MSH3: variants seen among roughly 807,000 people sequenced by gnomAD.
The protein encoded by MSH3 is DNA mismatch repair protein Msh3.
MSH3 carries 106 observed loss-of-function variants against 123.3 expected under a neutral mutation model. That is an observed-to-expected ratio of 0.86 (90% CI 0.73 to 1.01). The LOEUF (loss-of-function observed/expected upper bound fraction) is 1.01, where lower values mean the gene tolerates loss of function less well. Among genes scored for constraint, MSH3 ranks in the 50% least tolerant of loss-of-function variants. The pLI is 0.00. For synonymous variants in MSH3, 515 were observed against 481.4 expected (o/e 1.07, Z -0.91); for missense variants, 1,459 against 1,347.6 (o/e 1.08, Z -1.29).
intron 8 of MSH3, among the ~76,000 whole-genome samples, chr5:80,721,921 G>C (rs893614448): frequency 2.6e-5 from 4 of 152,008 alleles, no homozygotes; most frequent in Non-Finnish European, 4.4e-5. Context: ...TGTGTTTTCT[G>C]TATCTTTTAC....
chr5:80,784,686 C>G (rs369238420), intron 17 of MSH3, among the ~76,000 whole-genome samples: 11 of 152,166 alleles, frequency 7.2e-5, no homozygotes, highest in African/African-American at 2.7e-4. Context: ...TAGCCATCCC[C>G]ACTTCCCTCC....
intron 13 of MSH3, among the ~76,000 whole-genome samples, chr5:80,762,171 G>A (rs941222154): frequency 6.6e-6 from 1 of 152,024 alleles, no homozygotes; most frequent in South Asian, 2.1e-4. Context: ...AAGCTTTACA[G>A]TTTGAGTCAT....
intron 8 of MSH3, among the ~76,000 whole-genome samples, chr5:80,693,407 A>G (rs1188729241): frequency 1.6e-5 from 1 of 61,180 alleles, no homozygotes; most frequent in Non-Finnish European, 3.1e-5. Flanking sequence ...ATGCACATGT[A>G]TATGTTTATA....
intron 8 of MSH3, among the ~76,000 whole-genome samples, chr5:80,724,828 A>G (rs1021472967): frequency 6.6e-6 from 1 of 152,238 alleles, no homozygotes; most frequent in Non-Finnish European, 1.5e-5. Context: ...ATTTAGTAAC[A>G]TAATGGACCC....
intron 8 of MSH3, among the ~76,000 whole-genome samples, chr5:80,693,600 C>CATGTAT (rs1750393234): frequency 2.3e-5 from 1 of 44,152 alleles, no homozygotes; most frequent in African/African-American, 9.0e-5. Context: ...TATATATAAA[C>CATGTAT]ATACATATAT....
intron 2 of MSH3, among the ~76,000 whole-genome samples, chr5:80,657,508 TC>T (rs1476663684): frequency 2.0e-5 from 3 of 152,134 alleles, no homozygotes. Flanking sequence ...GTGCCTGAGT[TC>T]CTGGATTTCT....
At position 80,654,890 on chromosome 5, in the gene MSH3, G is replaced by A. The variant is rs1749203599; in HGVS notation, c.163G>A (p.Ala55Thr). ...GGTGGACCCTGGCGCTGCAGCGGCT[G>A]CAGCGGCCGCAGCGGCCGCAGCGCC... ...DQVDPGAAAA[A>T]AAAAAAAPPA... The change falls in exon 1 of 24, where the codon GCA (alanine) becomes ACA (threonine). Residue 55 changes from alanine (A) to threonine (T), a missense_variant. Coordinates refer to ENST00000265081, the MANE Select transcript of MSH3 (RefSeq NM_002439.5). The A allele has an allele frequency of 2.5e-6, 2 of 814,418 alleles. No individual in the cohort carries two copies. Among genetic ancestry groups the A allele is most frequent in the South Asian group, 2.6e-5 (1 of 38,294 alleles). 50.4% of individuals were successfully genotyped at this position (814,418 alleles called of 1,614,324 possible).
intron 17 of MSH3, among the ~76,000 whole-genome samples, chr5:80,785,822 T>G (rs1744496426): frequency 6.6e-6 from 1 of 152,280 alleles, no homozygotes; most frequent in African/African-American, 2.4e-5. Flanking sequence ...TAAAAAATGA[T>G]GAGTTCATGT....
intron 19 of MSH3, among the ~76,000 whole-genome samples, chr5:80,798,365 A>AGG (rs34178043): frequency 0.88 from 134,517 of 152,084 alleles, 59,669 homozygotes; most frequent in East Asian, 1. Flanking sequence ...GGTAAAGATG[A>AGG]ACAGATTTCC....
intron 22 of MSH3, among the ~76,000 whole-genome samples, chr5:80,869,839 T>TACACACAC (rs1222307003): frequency 0.019 from 1,033 of 54,694 alleles, 18 homozygotes; most frequent in African/African-American, 0.05. Flanking sequence ...TATACATATA[T>TACACACAC]ATACACACAC....
At chr5:80,855,463 A>G (rs1745900216) in intron 21 of MSH3, 1 of 152,042 alleles carries the variant, frequency 6.6e-6, no homozygotes, top group Admixed American at 6.6e-5. Context: ...ATTTTTTTCC[A>G]GAAGATAGTT....
chr5:80,761,435 T>G, intron 12 of MSH3, 111 bp from the exon 13 acceptor site: 2 of 1,322,934 alleles, frequency 1.5e-6, no homozygotes, highest in South Asian at 1.2e-5. Context: ...AGGAGGAGTT[T>G]CCTTTGTGCC....
intron 8 of MSH3, among the ~76,000 whole-genome samples, chr5:80,688,744 A>ATT (rs34460642): frequency 1.5e-4 from 22 of 148,096 alleles, no homozygotes; most frequent in South Asian, 2.1e-4. Context: ...AAAGGTTTCA[A>ATT]TTTTTTTTTT....
chr5:80,702,725 T>A (rs996433755), intron 8 of MSH3, among the ~76,000 whole-genome samples: 3 of 133,902 alleles, frequency 2.2e-5, no homozygotes, highest in Non-Finnish European at 3.3e-5. Context: ...AAAAAAAAAA[T>A]AGCTGGCTGG....
intron 20 of MSH3, among the ~76,000 whole-genome samples, chr5:80,826,958 T>C (rs1463714939): frequency 1.3e-5 from 2 of 152,218 alleles, no homozygotes; most frequent in Non-Finnish European, 1.5e-5. Flanking sequence ...TTGTTTCTAA[T>C]GGATATATCT....
intron 22 of MSH3, 77 bp downstream of exon 22, chr5:80,865,019 T>G: frequency 7.5e-7 from 1 of 1,336,224 alleles, no homozygotes; most frequent in South Asian, 1.2e-5. Context: ...AACATGAACT[T>G]ACTGCTTATT....
chr5:80,873,509 C>T (rs1022888377), intron 23 of MSH3, among the ~76,000 whole-genome samples: 3 of 152,076 alleles, frequency 2.0e-5, no homozygotes, highest in Admixed American at 1.3e-4. Context: ...ATTGGTTTTT[C>T]GGTCATTTTT....
intron 20 of MSH3, among the ~76,000 whole-genome samples, chr5:80,843,485 G>A (rs1416316249): frequency 6.6e-6 from 1 of 152,180 alleles, no homozygotes; most frequent in Non-Finnish European, 1.5e-5. Flanking sequence ...AATGGTACCA[G>A]CTCCTCTTTG....
chr5:80,692,697 TACATAC>T, intron 8 of MSH3, among the ~76,000 whole-genome samples: 2 of 137,624 alleles, frequency 1.5e-5, no homozygotes, highest in African/African-American at 5.3e-5. Context: ...TAGATAAATA[TACATAC>T]ACATGTATAT....
Sources: gnomAD v4.1 joint callset for allele counts (sites outside exome capture counted in the v4.1 genomes callset) on GRCh38, gnomAD v4.1.1 for gene constraint, MANE v1.5 for transcripts, NCBI Gene and HGNC (gene_info 2026-07-23, HGNC 2026-07-21) for gene names.